The following KIAA0232 variants were observed in gnomAD, a reference collection of about 807,000 sequenced individuals.
The protein encoded by KIAA0232 is uncharacterized protein KIAA0232.
KIAA0232 carries 27 observed loss-of-function variants against 122.0 expected under a neutral mutation model. The ratio of observed to expected loss-of-function variants is 0.22; its 90% CI spans 0.16 to 0.31. The LOEUF (loss-of-function observed/expected upper bound fraction) is 0.31. Among genes scored for constraint, KIAA0232 ranks in the 10% least tolerant of loss-of-function variants. The pLI, the probability that KIAA0232 is intolerant of heterozygous loss-of-function variation, is 1.00. For synonymous variants in KIAA0232, 613 were observed against 587.6 expected, an observed-to-expected ratio of 1.04 and a Z score of -0.63; for missense variants, 1,551 against 1,634.2, an observed-to-expected ratio of 0.95 and a Z score of 0.88.
chr4:6,871,673 G>A lies in KIAA0232; in HGVS notation c.3901G>A (p.Glu1301Lys), dbSNP rs1721496066. Residue 1301 changes from glutamate (E) to lysine (K), a missense_variant, in exon 8 of 10, where the codon GAG (glutamate) becomes AAG (lysine). Around this residue, in one of 5 missense-constraint regions of KIAA0232, gnomAD observed 1,108 missense variants for 1,154.8 expected, o/e 0.96. Coordinates refer to ENST00000307659, the MANE Select transcript of KIAA0232 (RefSeq NM_014743.3). Reference sequence around the variant, plus strand: ...GTACTCTCCTCTTTTTCCTGCATCAGAGTGTGAAGGTAAGGAGACCTTTGT... The same window carrying A: ...GTACTCTCCTCTTTTTCCTGCATCAAAGTGTGAAGGTAAGGAGACCTTTGT... Reference protein sequence around the residue: ...ALYSPLFPASECEECYTNAKG... With the variant: ...ALYSPLFPASKCEECYTNAKG... 6.3e-7 allele frequency: 1 copy of A among 1,592,252 alleles called. No individual in the cohort carries two copies. The highest frequency in any genetic ancestry group is 8.6e-7 in the Non-Finnish European group (1 of 1,161,710).
intron 7 of KIAA0232, among the ~76,000 whole-genome samples, chr4:6,868,153 C>G (rs1003541657): frequency 9.9e-5 from 15 of 152,188 alleles, no homozygotes; most frequent in Admixed American, 8.5e-4. Context: ...AGCTGTGAAG[C>G]CTTTGTTTCC....
chr4:6,861,800 T>C lies in KIAA0232; in HGVS notation c.1418T>C (p.Met473Thr), dbSNP rs1327952174. Residue 473 changes from methionine (M) to threonine (T), a missense_variant, in exon 7 of 10, where the codon ATG becomes ACG. Physicochemically the swap from Met to Thr is moderately conservative, Grantham distance 81 (BLOSUM62 -1). Around this residue, in one of 5 missense-constraint regions of KIAA0232, gnomAD observed 1,108 missense variants for 1,154.8 expected, o/e 0.96. Coordinates refer to ENST00000307659, the MANE Select transcript of KIAA0232 (RefSeq NM_014743.3). ...GTFIDGHFVE[M>T]PAVINEDIDL... ...TTCATTGATGGTCATTTTGTAGAAA[T>C]GCCTGCAGTTATAAATGAGGATATT... is the stretch of plus-strand genomic sequence containing the variant. 6.2e-7 allele frequency: 1 copy of C among 1,614,162 alleles called. No homozygotes were observed. Among genetic ancestry groups the C allele is most frequent in the Non-Finnish European group, 8.5e-7 (1 of 1,180,014 alleles).
At position 6,855,879 on chromosome 4, in the gene KIAA0232, G is replaced by A. The variant is rs1720543367; in HGVS notation, c.370-1285G>A. The A allele has an allele frequency of 1.0e-6, 1 of 985,186 alleles. No individual in the cohort carries two copies. The highest frequency in any genetic ancestry group is 1.2e-6 in the Non-Finnish European group (1 of 829,704). 61.0% of individuals were successfully genotyped at this position (985,186 alleles called of 1,614,324 possible). A position where few individuals can be genotyped will look rare whatever the true frequency, so the allele number is the denominator to read the frequency against. On this transcript the variant is annotated intron_variant, in intron 4 of 9. Transcript: ENST00000307659. The surrounding 1 kb of genome is among the most constrained non-coding windows in gnomAD (Gnocchi z 4.3). ...GAAATGGAATATAATTGCCGTCCTTGTCACACCTTGAGCATTATGGTAAGC... is the reference window on the plus strand; with the variant it reads ...GAAATGGAATATAATTGCCGTCCTTATCACACCTTGAGCATTATGGTAAGC...
intron 2 of KIAA0232, among the ~76,000 whole-genome samples, chr4:6,818,701 C>T (rs1718262752): frequency 1.4e-5 from 2 of 147,890 alleles, no homozygotes. Context: ...TCATTTTTCA[C>T]AGAACTGGAA....
chr4:6,825,591 GAGAA>G (rs1186452327), intron 3 of KIAA0232, among the ~76,000 whole-genome samples: 1 of 151,956 alleles, frequency 6.6e-6, no homozygotes, highest in Non-Finnish European at 1.5e-5. Flanking sequence ...GAGAGAGAGA[GAGAA>G]AGAGAAAGCA....
In KIAA0232 at chr4:6,862,598, C is replaced by T; in HGVS notation, c.2216C>T (p.Ala739Val). The change falls in exon 7 of 10, where the codon GCC becomes GTC. Residue 739 changes from alanine (A) to valine (V), a missense_variant. Physicochemically the swap from Ala to Val is moderately conservative, Grantham distance 64. Around this residue, in one of 5 missense-constraint regions of KIAA0232, gnomAD observed 1,108 missense variants for 1,154.8 expected, o/e 0.96. Transcript: ENST00000307659. Reference protein sequence around the residue: ...IQFEESTQFNAEDINYVVPRV... With the variant: ...IQFEESTQFNVEDINYVVPRV... ...TTTGAAGAATCCACACAGTTTAATG[C>T]CGAAGATATTAATTATGTAGTTCCT... 3 of 1,613,594 alleles carry T rather than the reference C, an allele frequency of 1.9e-6. 1 individual carries two copies. Among genetic ancestry groups the T allele is most frequent in the Middle Eastern group, 3.3e-4 (2 of 6,060 alleles).
At chr4:6,794,048 C>G (rs2108887441) in intron 1 of KIAA0232, among the ~76,000 whole-genome samples, 1 of 152,298 alleles carries the variant, frequency 6.6e-6, no homozygotes, top group South Asian at 2.1e-4. Context: ...ATGGATTAGA[C>G]ATCCAGGAGG....
chr4:6,821,315 C>T (rs112097372), intron 2 of KIAA0232, among the ~76,000 whole-genome samples: 1 of 151,934 alleles, frequency 6.6e-6, no homozygotes, highest in Non-Finnish European at 1.5e-5. Flanking sequence ...TTGGTGCACC[C>T]ATCACCTGAG....
chr4:6,826,466 A>C lies in KIAA0232; in HGVS notation c.231+1782A>C, dbSNP rs530601703. Reference sequence around the variant, plus strand: ...AAATATTTCTCATCATTCAAAAATTATGTACTTTATTGTAAGCATGTACTC... The same window carrying C: ...AAATATTTCTCATCATTCAAAAATTCTGTACTTTATTGTAAGCATGTACTC... On this transcript the variant is annotated intron_variant, in intron 3 of 9. Transcript: ENST00000307659. Among the ~76,000 whole-genome samples, 29 of 150,660 alleles carry C rather than the reference A, an allele frequency of 1.9e-4. No homozygotes were observed. The South Asian group carries it at 5.9e-3, about 31-fold the overall frequency.
chr4:6,792,852 G>C (rs1032902648), intron 1 of KIAA0232, among the ~76,000 whole-genome samples: 1 of 151,858 alleles, frequency 6.6e-6, no homozygotes, highest in Non-Finnish European at 1.5e-5. Context: ...ACCACGCCCG[G>C]CTAATGTTTT....
intron 3 of KIAA0232, among the ~76,000 whole-genome samples, chr4:6,825,698 A>G (rs1428506449): frequency 6.6e-6 from 1 of 152,188 alleles, no homozygotes. Context: ...AGAGGGAACC[A>G]GAGTCATCAG....
At chr4:6,839,121 G>C (rs1719506442) in intron 3 of KIAA0232, among the ~76,000 whole-genome samples, 1 of 152,156 alleles carries the variant, frequency 6.6e-6, no homozygotes, top group African/African-American at 2.4e-5. Flanking sequence ...GCAAGACTCT[G>C]TCTCAGAAAT....
At chr4:6,866,324 C>A in intron 7 of KIAA0232, 2 of 647,102 alleles carry the variant, frequency 3.1e-6, no homozygotes, top group Non-Finnish European at 3.8e-6. Context: ...TCTTAGCTGC[C>A]AAAAAAATTC....
At chr4:6,816,083 G>A (rs940340594) in intron 2 of KIAA0232, among the ~76,000 whole-genome samples, 1 of 151,990 alleles carries the variant, frequency 6.6e-6, no homozygotes, top group African/African-American at 2.4e-5. Flanking sequence ...AATTTTTAAG[G>A]CCTTTGAGTT....
chr4:6,861,539 T>C lies in KIAA0232; in HGVS notation c.1157T>C (p.Leu386Pro). 1.2e-6 allele frequency: 2 copies of C among 1,614,032 alleles called. No individual in the cohort carries two copies. The highest frequency in any genetic ancestry group is 1.7e-6 in the Non-Finnish European group (2 of 1,180,010). The change falls in exon 7 of 10, where the codon CTG becomes CCG. Residue 386 changes from leucine to proline, a missense_variant. Coordinates refer to ENST00000307659, the MANE Select transcript of KIAA0232 (RefSeq NM_014743.3). ...CCTGGGAGCACTGAAGGAAAAGACC[T>C]GTACATGGAGAATAGAAAGGACACA... The part of the protein sequence containing the change: ...KDPGSTEGKD[L>P]YMENRKDTEY...
chr4:6,849,570 C>T (rs1192854763), intron 4 of KIAA0232, among the ~76,000 whole-genome samples: 17 of 152,230 alleles, frequency 1.1e-4, no homozygotes, highest in African/African-American at 4.1e-4. Flanking sequence ...GAGCTGAGAT[C>T]GTGCCACTGC....
intron 8 of KIAA0232, among the ~76,000 whole-genome samples, chr4:6,874,184 C>T (rs1394510651): frequency 2.0e-5 from 3 of 152,236 alleles, no homozygotes; most frequent in Admixed American, 6.5e-5. Flanking sequence ...ATCCCTTCAG[C>T]ACTTGGGTTA....
chr4:6,845,435 A>G (rs1435925242), intron 4 of KIAA0232, among the ~76,000 whole-genome samples: 1 of 152,084 alleles, frequency 6.6e-6, no homozygotes, highest in Non-Finnish European at 1.5e-5. Flanking sequence ...GGCTCAAGAC[A>G]TCCTCCCGCG....
intron 2 of KIAA0232, among the ~76,000 whole-genome samples, chr4:6,814,849 T>G (rs1393487140): frequency 1.3e-5 from 2 of 152,216 alleles, no homozygotes; most frequent in Admixed American, 6.5e-5. Flanking sequence ...TTATGGGAAC[T>G]ATCTATATTG....
Sources: allele counts gnomAD v4.1 joint callset (sites outside exome capture counted in the v4.1 genomes callset), GRCh38; gene constraint gnomAD v4.1.1; regional missense constraint gnomAD v4.1.1; non-coding constraint Gnocchi (gnomAD v3.1); transcripts MANE v1.5; gene names NCBI Gene and HGNC (gene_info 2026-07-23, HGNC 2026-07-21).